The following GNAL variants were observed in gnomAD, a reference collection of about 807,000 sequenced individuals.
The protein encoded by GNAL is G protein subunit alpha L, also known as guanine nucleotide-binding protein G(olf) subunit alpha.
Under a neutral mutation model 55.1 loss-of-function variants are expected in GNAL, and 18 were observed. That is an observed-to-expected ratio of 0.33 (90% CI 0.23 to 0.48). The LOEUF is 0.48. GNAL is among the 20% of genes least tolerant of loss of function. GNAL has a pLI of 0.99. For synonymous variants in GNAL, 253 were observed against 237.0 expected (o/e 1.07, Z -0.62); for missense variants, 412 against 614.1 (o/e 0.67, Z 3.48).
intron 10 of GNAL, 100 bp from the exon 11 acceptor site, chr18:11,876,521 A>C: frequency 1.3e-6 from 1 of 772,512 alleles, no homozygotes; most frequent in Non-Finnish European, 2.3e-6. Flanking sequence ...TAATGCTGGG[A>C]ATATACAGCA....
intron 4 of GNAL, among the ~76,000 whole-genome samples, chr18:11,801,746 G>T (rs185387250): frequency 3.9e-5 from 6 of 152,216 alleles, no homozygotes; most frequent in Non-Finnish European, 1.5e-5. Context: ...GATGTGGCTC[G>T]TGATAGCAAG....
intron 4 of GNAL, among the ~76,000 whole-genome samples, chr18:11,777,201 C>G (rs1258830963): frequency 6.6e-6 from 1 of 152,188 alleles, no homozygotes; most frequent in African/African-American, 2.4e-5. Context: ...AGAACCAAGA[C>G]TGGAAGCTAC....
intron 1 of GNAL, among the ~76,000 whole-genome samples, chr18:11,745,401 G>A (rs1269477033): frequency 2.0e-5 from 3 of 152,004 alleles, no homozygotes; most frequent in Non-Finnish European, 4.4e-5. Context: ...TCTTCAATCC[G>A]AAAGACTGAA....
intron 5 of GNAL, among the ~76,000 whole-genome samples, chr18:11,846,662 G>A (rs1020936362): frequency 2.0e-5 from 3 of 151,666 alleles, no homozygotes; most frequent in East Asian, 1.9e-4. Context: ...TGTAGAGACC[G>A]GGTCTTGCCA....
At chr18:11,731,102 G>A (rs2032329441) in intron 1 of GNAL, among the ~76,000 whole-genome samples, 1 of 152,150 alleles carries the variant, frequency 6.6e-6, no homozygotes, top group South Asian at 2.1e-4. Context: ...TGGGGTATGA[G>A]GTGTGTCTGA....
At chr18:11,801,233 T>C (rs560865708) in intron 4 of GNAL, among the ~76,000 whole-genome samples, 1 of 152,230 alleles carries the variant, frequency 6.6e-6, no homozygotes, top group East Asian at 1.9e-4. Flanking sequence ...ATACAGAGAA[T>C]GAATGAAACA....
intron 1 of GNAL, among the ~76,000 whole-genome samples, chr18:11,743,571 A>C (rs760760097): frequency 6.6e-6 from 1 of 152,168 alleles, no homozygotes; most frequent in South Asian, 2.1e-4. Flanking sequence ...TGCTTGAAAA[A>C]TTTTTACATT....
intron 5 of GNAL, among the ~76,000 whole-genome samples, chr18:11,848,378 T>C (rs975025733): frequency 3.3e-5 from 5 of 152,108 alleles, no homozygotes; most frequent in Non-Finnish European, 7.4e-5. Flanking sequence ...GCACAGAAAG[T>C]AGAGGTGTCA....
chr18:11,695,689 C>A (rs920647088), intron 1 of GNAL, among the ~76,000 whole-genome samples: 3 of 152,098 alleles, frequency 2.0e-5, no homozygotes, highest in African/African-American at 7.2e-5. Context: ...AATTTTAAAT[C>A]CTCAGCTGTA....
In GNAL at chr18:11,872,476, C is replaced by A. The variant is rs879064319; in HGVS notation, c.1162+78C>A. 5.0e-5 allele frequency: 44 copies of A among 878,802 alleles called. No homozygotes were observed. The South Asian group carries it at 6.5e-4, about 13-fold the overall frequency. 54.4% of individuals were successfully genotyped at this position (878,802 alleles called of 1,614,324 possible). On this transcript the variant is annotated intron_variant, in intron 10 of 11. Coordinates refer to ENST00000334049, the MANE Select transcript of GNAL (RefSeq NM_182978.4). ...TAGTCCTGTAACTCTAATTCACATA[C>A]CTCTGATGAATCAAAGAAATTCACT...
intron 4 of GNAL, among the ~76,000 whole-genome samples, chr18:11,812,596 C>T (rs1395218944): frequency 2.6e-5 from 4 of 152,228 alleles, no homozygotes; most frequent in African/African-American, 9.6e-5. Flanking sequence ...GTAATCCCAG[C>T]ACTTTGGGAG....
chr18:11,792,226 C>T (rs2034258901), intron 4 of GNAL, among the ~76,000 whole-genome samples: 1 of 152,094 alleles, frequency 6.6e-6, no homozygotes, highest in Non-Finnish European at 1.5e-5. Context: ...CCCTGTTTCC[C>T]AGGCTGGAGT....
chr18:11,799,278 C>T (rs145738895), intron 4 of GNAL, among the ~76,000 whole-genome samples: 9 of 152,118 alleles, frequency 5.9e-5, no homozygotes, highest in Non-Finnish European at 1.0e-4. Context: ...ATGTCTCCAG[C>T]CCAGAAGCAC....
At chr18:11,791,542 T>C (rs2034236720) in intron 4 of GNAL, among the ~76,000 whole-genome samples, 1 of 152,208 alleles carries the variant, frequency 6.6e-6, no homozygotes, top group Non-Finnish European at 1.5e-5. Context: ...TAAAAGCTTT[T>C]AAAGTGGGGG....
chr18:11,847,636 CT>C (rs1481150512), intron 5 of GNAL, among the ~76,000 whole-genome samples: 3 of 151,026 alleles, frequency 2.0e-5, no homozygotes, highest in Non-Finnish European at 3.0e-5. Context: ...TCAAAAATTT[CT>C]TTTTTTTTCA....
rs1471333417 is a variant in GNAL, at chr18:11,881,930, CTATCTA to C, written c.*798_*803del. 1 of 152,404 alleles carries C rather than the reference CTATCTA, an allele frequency of 6.6e-6. No individual in the cohort carries two copies. The highest frequency in any genetic ancestry group is 6.6e-5 in the Admixed American group (1 of 15,256). The allele number at this position is 152,404 out of a possible 1,614,324, so 9.4% of individuals were successfully genotyped here. On this transcript the variant is annotated 3_prime_UTR_variant, in exon 12 of 12. Coordinates refer to ENST00000334049, the MANE Select transcript of GNAL (RefSeq NM_182978.4). The surrounding 1 kb of genome is among the most constrained non-coding windows in gnomAD (Gnocchi z 4.8). ...GTAGATCTTTGTGCCTTCACCATGG[CTATCTA>C]TACCTGTACATGAAATGTGTTTGTA...
At chr18:11,866,212 G>A (rs2036259570) in intron 7 of GNAL, among the ~76,000 whole-genome samples, 1 of 150,284 alleles carries the variant, frequency 6.7e-6, no homozygotes, top group Non-Finnish European at 1.5e-5. Flanking sequence ...CTGTGATTTT[G>A]TTTGAAAGGA....
intron 1 of GNAL, among the ~76,000 whole-genome samples, chr18:11,739,467 C>T (rs984142011): frequency 2.6e-5 from 4 of 152,054 alleles, no homozygotes; most frequent in African/African-American, 7.2e-5. Flanking sequence ...CAAAATCACT[C>T]GATTGGATAT....
At chr18:11,804,177 T>C (rs143975402) in intron 4 of GNAL, among the ~76,000 whole-genome samples, 8,073 of 101,364 alleles carry the variant, frequency 0.08, 1 homozygote, top group East Asian at 0.13. Context: ...TACTGTGTAG[T>C]GGTGAAGTAC....
Sources: allele counts gnomAD v4.1 joint callset (sites outside exome capture counted in the v4.1 genomes callset), GRCh38; gene constraint gnomAD v4.1.1; non-coding constraint Gnocchi (gnomAD v3.1); transcripts MANE v1.5; gene names NCBI Gene and HGNC (gene_info 2026-07-23, HGNC 2026-07-21).